The following AKR1C3 variants were observed in gnomAD, a reference collection of about 807,000 sequenced individuals.
The protein encoded by AKR1C3 is aldo-keto reductase family 1 member C3, also known as 3-alpha hydroxysteroid dehydrogenase, type II.
In AKR1C3, 48 loss-of-function variants were observed where a neutral mutation model predicts 43.6. The ratio of observed to expected loss-of-function variants is 1.10; its 90% CI spans 0.87 to 1.40. AKR1C3 has a LOEUF of 1.40. Among genes scored for constraint, AKR1C3 ranks in the 40% most tolerant of loss-of-function variants. The pLI, the probability that AKR1C3 is intolerant of heterozygous loss-of-function variation, is 0.00. For synonymous variants in AKR1C3, 162 were observed against 139.6 expected, an observed-to-expected ratio of 1.16 and a Z score of -1.13; for missense variants, 482 against 391.2, an observed-to-expected ratio of 1.23 and a Z score of -1.96.
At chr10:5,097,318 GC>G (rs1839229481) in intron 2 of AKR1C3, 115 bp from the exon 3 acceptor site, 1 of 1,226,714 alleles carries the variant, frequency 8.2e-7, no homozygotes, top group African/African-American at 1.5e-5. Context: ...GAATATGTTT[GC>G]CAGTGGTCAT....
At chr10:5,104,239 TATAAATTAGTTG>T (rs1249597387) in intron 7 of AKR1C3, among the ~76,000 whole-genome samples, 1 of 152,186 alleles carries the variant, frequency 6.6e-6, no homozygotes, top group Non-Finnish European at 1.5e-5. Flanking sequence ...TCTCTTTACT[TATAAATTAGTTG>T]TAAATTCAAA....
chr10:5,072,101 G>A, intron 1 of AKR1C3, among the ~76,000 whole-genome samples: 1 of 152,146 alleles, frequency 6.6e-6, no homozygotes, highest in African/African-American at 2.4e-5. Context: ...AGACAGGTGG[G>A]AATGAAGACC....
intron 8 of AKR1C3, among the ~76,000 whole-genome samples, chr10:5,107,220 C>G (rs1839527902): frequency 6.6e-6 from 1 of 152,002 alleles, no homozygotes; most frequent in Non-Finnish European, 1.5e-5. Flanking sequence ...CAGGAATATA[C>G]TTGAATATTT....
At chr10:5,105,384 TGCACAGTTTC>T in intron 7 of AKR1C3, 1 of 406,746 alleles carries the variant, frequency 2.5e-6, no homozygotes, top group Non-Finnish European at 4.4e-6. Flanking sequence ...TCTGCAGAGT[TGCACAGTTTC>T]AATACATAAT....
chr10:5,099,520 GTT>G, intron 5 of AKR1C3, 71 bp downstream of exon 5: 1 of 1,603,906 alleles, frequency 6.2e-7, no homozygotes, highest in South Asian at 1.1e-5. Flanking sequence ...CCAAATATCT[GTT>G]TGTTTTGTCC....
intron 1 of AKR1C3, among the ~76,000 whole-genome samples, chr10:5,058,224 A>G (rs1031129394): frequency 2.0e-5 from 3 of 152,150 alleles, no homozygotes; most frequent in Admixed American, 6.5e-5. Context: ...TGGGATGTAA[A>G]TTGTAAGCTT....
At chr10:5,099,584 G>C in intron 5 of AKR1C3, 135 bp downstream of exon 5, 1 of 1,463,332 alleles carries the variant, frequency 6.8e-7, no homozygotes, top group Non-Finnish European at 9.2e-7. Context: ...CTTCTGTCAA[G>C]AAAGGCGTGA....
At chr10:5,077,900 A>T (rs1444811980) in intron 1 of AKR1C3, 1 of 625,716 alleles carries the variant, frequency 1.6e-6, no homozygotes, top group South Asian at 1.9e-5. Context: ...GAATCATCAG[A>T]ATCATCTCTT....
chr10:5,077,789 C>T, intron 1 of AKR1C3: 1 of 861,542 alleles, frequency 1.2e-6, no homozygotes, highest in South Asian at 3.5e-5. Flanking sequence ...TTAACATGTT[C>T]CTTGAGGTTG....
intron 1 of AKR1C3, among the ~76,000 whole-genome samples, chr10:5,063,514 A>G (rs74595474): frequency 0.04 from 6,019 of 152,138 alleles, 409 homozygotes; most frequent in African/African-American, 0.14. Flanking sequence ...TGGCACAAGT[A>G]GCTGGGAGCA....
At chr10:5,059,805 C>T (rs1217549186) in intron 1 of AKR1C3, among the ~76,000 whole-genome samples, 22 of 152,146 alleles carry the variant, frequency 1.4e-4, no homozygotes, top group Non-Finnish European at 1.0e-4. Flanking sequence ...AGTCTCACCC[C>T]TTGGCAATAG....
At chr10:5,105,378 C>A in intron 7 of AKR1C3, 1 of 371,394 alleles carries the variant, frequency 2.7e-6, no homozygotes, top group Non-Finnish European at 4.9e-6. Context: ...TCTTTGTCTG[C>A]AGAGTTGCAC....
intron 4 of AKR1C3, 75 bp from the exon 5 acceptor site, chr10:5,099,252 C>T: frequency 4.4e-6 from 7 of 1,596,528 alleles, no homozygotes; most frequent in Non-Finnish European, 6.0e-6. Flanking sequence ...TTGTTGCTCT[C>T]ACAGTTCTGT....
chr10:5,107,370 T>C (rs920985854), intron 8 of AKR1C3, 91 bp from the exon 9 acceptor site: 11 of 927,578 alleles, frequency 1.2e-5, no homozygotes, highest in East Asian at 5.1e-5. Flanking sequence ...CAACTTAACA[T>C]TCATACTAAT....
intron 1 of AKR1C3, among the ~76,000 whole-genome samples, chr10:5,082,638 A>C (rs1225993947): frequency 1.3e-5 from 2 of 152,182 alleles, no homozygotes; most frequent in African/African-American, 4.8e-5. Context: ...CATCCCTGGA[A>C]TGAAATCCAT....
At chr10:5,066,030 C>A (rs1554780768) in intron 1 of AKR1C3, among the ~76,000 whole-genome samples, 2 of 152,126 alleles carry the variant, frequency 1.3e-5, no homozygotes, top group Non-Finnish European at 2.9e-5. Context: ...CTGGAATTGG[C>A]TGGAGCCTTT....
intron 3 of AKR1C3, 81 bp downstream of exon 3, chr10:5,097,631 T>C: frequency 6.2e-7 from 1 of 1,604,264 alleles, no homozygotes; most frequent in Non-Finnish European, 8.5e-7. Context: ...AACAGAGCTT[T>C]TTATTAGGAG....
intron 1 of AKR1C3, among the ~76,000 whole-genome samples, chr10:5,061,124 G>T (rs1370243154): frequency 3.3e-5 from 5 of 152,230 alleles, no homozygotes; most frequent in Non-Finnish European, 7.3e-5. Flanking sequence ...CTCCTCAAGT[G>T]CAGCCAGTGT....
At chr10:5,056,400 G>A (rs1228841591) in intron 1 of AKR1C3, among the ~76,000 whole-genome samples, 1 of 152,170 alleles carries the variant, frequency 6.6e-6, no homozygotes, top group Non-Finnish European at 1.5e-5. Flanking sequence ...ACTGGATATA[G>A]AGGAATTACT....
Sources: gnomAD v4.1 joint callset for allele counts (sites outside exome capture counted in the v4.1 genomes callset) on GRCh38, gnomAD v4.1.1 for gene constraint, MANE v1.5 for transcripts, NCBI Gene and HGNC (gene_info 2026-07-23, HGNC 2026-07-21) for gene names.